RTL4: variants seen among roughly 807,000 people sequenced by gnomAD.
RTL4 encodes the protein retrotransposon Gag like 4, also known as retrotransposon Gag-like protein 4.
In RTL4, 4 loss-of-function variants were observed where a neutral mutation model predicts 5.3. That is an observed-to-expected ratio of 0.75 (90% CI 0.37 to 1.72). The LOEUF is 1.72. Ranked by LOEUF, RTL4 falls within the 40% of genes most tolerant of loss-of-function variation. The probability of loss-of-function intolerance (pLI) is 0.04; values close to 1 mark genes in which losing one functional copy is unlikely to be tolerated. For synonymous variants in RTL4, 98 were observed against 87.3 expected, an observed-to-expected ratio of 1.12 and a Z score of -0.68; for missense variants, 260 against 227.1, an observed-to-expected ratio of 1.14 and a Z score of -0.93.
the RTL4 span, among the ~76,000 whole-genome samples, chrX:112,416,882 A>G: frequency 2.7e-5 from 3 of 111,685 alleles, no homozygotes; most frequent in Admixed American, 9.5e-5. Flanking sequence ...TTTGGTGCAT[A>G]TCATTTCTAA....
the RTL4 span, among the ~76,000 whole-genome samples, chrX:112,297,517 A>G: frequency 3.6e-5 from 4 of 111,310 alleles, no homozygotes; most frequent in African/African-American, 1.3e-4. Context: ...AGACGGCACT[A>G]GGGGAATGGT....
At chrX:112,244,515 C>A in the RTL4 span, among the ~76,000 whole-genome samples, 1 of 111,373 alleles carries the variant, frequency 9.0e-6, no homozygotes, top group Non-Finnish European at 1.9e-5. Flanking sequence ...AGGATTGCAA[C>A]CCCTGCCCTT....
chrX:112,253,745 G>A, the RTL4 span, among the ~76,000 whole-genome samples: 25 of 112,215 alleles, frequency 2.2e-4, no homozygotes, highest in Non-Finnish European at 3.9e-4. Flanking sequence ...TCTTGACTAG[G>A]CCTCAATCTT....
At chrX:112,310,369 CATATATATATATATATATATATATATAT>C in the RTL4 span, among the ~76,000 whole-genome samples, 26 of 4,357 alleles carry the variant, frequency 6.0e-3, 1 homozygote, top group East Asian at 0.029. Context: ...CACCTTTATA[CATATATATATATATATATATATATATAT>C]ATATATATAT....
At chrX:112,198,387 C>T in the RTL4 span, among the ~76,000 whole-genome samples, 1 of 111,145 alleles carries the variant, frequency 9.0e-6, no homozygotes, top group Admixed American at 9.6e-5. Flanking sequence ...ATAGTAGGCT[C>T]CCAGTAAACA....
At chrX:112,130,791 G>GTTTT in the RTL4 span, among the ~76,000 whole-genome samples, 3 of 88,918 alleles carry the variant, frequency 3.4e-5, no homozygotes, top group African/African-American at 9.2e-5. Context: ...ATGGGTGTGG[G>GTTTT]TTTTTTTTTT....
chrX:112,114,530 A>T, the RTL4 span, among the ~76,000 whole-genome samples: 1 of 111,632 alleles, frequency 9.0e-6, no homozygotes, highest in Non-Finnish European at 1.9e-5. Context: ...ATTGTCTGAA[A>T]ACTTCCCCAG....
At chrX:112,363,265 A>G in the RTL4 span, among the ~76,000 whole-genome samples, 4 of 111,182 alleles carry the variant, frequency 3.6e-5, no homozygotes, top group African/African-American at 1.3e-4. Flanking sequence ...GACCCTTCCT[A>G]TCTGCAGGGA....
chrX:112,141,296 CTTG>C, the RTL4 span, among the ~76,000 whole-genome samples: 11 of 111,758 alleles, frequency 9.8e-5, no homozygotes, highest in African/African-American at 2.6e-4. Flanking sequence ...TTCATTCATT[CTTG>C]TTGTTTTTTT....
the RTL4 span, among the ~76,000 whole-genome samples, chrX:112,436,953 G>A: frequency 8.9e-6 from 1 of 111,875 alleles, no homozygotes; most frequent in African/African-American, 3.2e-5. Flanking sequence ...TTTTGGCTCC[G>A]TGATGGAGGA....
At chrX:112,362,086 T>C in the RTL4 span, among the ~76,000 whole-genome samples, 2 of 112,193 alleles carry the variant, frequency 1.8e-5, no homozygotes, top group African/African-American at 6.5e-5. Flanking sequence ...AATATCCTTC[T>C]GAGAAGTTAT....
the RTL4 span, among the ~76,000 whole-genome samples, chrX:112,119,007 C>G: frequency 1.0e-5 from 1 of 100,404 alleles, no homozygotes; most frequent in Non-Finnish European, 2.0e-5. Context: ...CCACACCCAG[C>G]TAATTTTTTT....
At chrX:112,388,116 C>T in the RTL4 span, among the ~76,000 whole-genome samples, 37,722 of 110,869 alleles carry the variant, frequency 0.34, 6,693 homozygotes, top group African/African-American at 0.69. Context: ...GTGGTTCTCA[C>T]TGTAGGAATC....
chrX:112,453,364 A>G (rs1339128941), upstream of RTL4, among the ~76,000 whole-genome samples: 2 of 112,304 alleles, frequency 1.8e-5, no homozygotes, highest in Non-Finnish European at 3.8e-5. Context: ...CTGCTATGCC[A>G]TATGTTTGGG....
At chrX:112,288,738 CATCTGT>C in the RTL4 span, among the ~76,000 whole-genome samples, 2 of 111,638 alleles carry the variant, frequency 1.8e-5, no homozygotes, top group Non-Finnish European at 3.8e-5. Flanking sequence ...GAATAACTAC[CATCTGT>C]AATATTGCTG....
the RTL4 span, among the ~76,000 whole-genome samples, chrX:112,245,022 G>T: frequency 8.9e-6 from 1 of 111,911 alleles, no homozygotes; most frequent in Admixed American, 9.5e-5. Flanking sequence ...GAATATTGGC[G>T]TCCACTCTCT....
chrX:112,116,080 TAGAG>T, the RTL4 span, among the ~76,000 whole-genome samples: 6 of 112,002 alleles, frequency 5.4e-5, no homozygotes. Flanking sequence ...CAGGGGTTGT[TAGAG>T]AGCCCTTTCC....
chrX:112,264,774 G>A, the RTL4 span, among the ~76,000 whole-genome samples: 19,641 of 111,167 alleles, frequency 0.18, 1,656 homozygotes, highest in Admixed American at 0.33. Context: ...GGGTCTGTGT[G>A]TCATTGTTGC....
chrX:112,387,219 G>A, the RTL4 span, among the ~76,000 whole-genome samples: 1 of 109,638 alleles, frequency 9.1e-6, no homozygotes, highest in Non-Finnish European at 1.9e-5. Flanking sequence ...ATTTGAGTTC[G>A]TTGTAGATTC....
Sources: allele counts gnomAD v4.1 joint callset (sites outside exome capture counted in the v4.1 genomes callset), GRCh38; gene constraint gnomAD v4.1.1; transcripts MANE v1.5; gene names NCBI Gene and HGNC (gene_info 2026-07-23, HGNC 2026-07-21).